Variants in CNOT2 observed in about 807,000 individuals in gnomAD.
CNOT2 encodes CC chemokine receptor 4-negative regulator of transcription 2.
CNOT2 carries 7 observed loss-of-function variants against 72.1 expected under a neutral mutation model. The ratio of observed to expected loss-of-function variants is 0.10; its 90% CI spans 0.06 to 0.18. CNOT2 has a LOEUF of 0.18. CNOT2 is among the 10% of genes least tolerant of loss of function. The pLI, the probability that CNOT2 is intolerant of heterozygous loss-of-function variation, is 1.00. For missense variants in CNOT2, 345 were observed against 660.3 expected (o/e 0.52, Z 5.23); for synonymous variants, 196 against 225.6 (o/e 0.87, Z 1.17).
chr12:70,296,886 T>A (rs1229295679), intron 2 of CNOT2, among the ~76,000 whole-genome samples: 4 of 152,152 alleles, frequency 2.6e-5, no homozygotes, highest in Non-Finnish European at 5.9e-5. Flanking sequence ...AATATCTTTG[T>A]TAACAAATAT....
At chr12:70,307,555 G>T (rs1277199501) in intron 2 of CNOT2, 1 of 151,324 alleles carries the variant, frequency 6.6e-6, no homozygotes, top group Non-Finnish European at 1.5e-5. Context: ...GCACATGACT[G>T]TCGTTTATTA....
intron 11 of CNOT2, 66 bp from the exon 12 acceptor site, chr12:70,342,041 T>C (rs568999849): frequency 9.8e-7 from 1 of 1,016,382 alleles, no homozygotes; most frequent in South Asian, 1.3e-5. Context: ...TCTTTGTTTT[T>C]CCTGAAATAA....
intron 1 of CNOT2, among the ~76,000 whole-genome samples, chr12:70,273,625 G>T (rs1234028255): frequency 1.3e-5 from 2 of 152,088 alleles, no homozygotes; most frequent in Non-Finnish European, 1.5e-5. Context: ...CAAATGAAGA[G>T]CTTTTAATTT....
chr12:70,324,306 G>C (rs1232571323), intron 4 of CNOT2: 1 of 151,594 alleles, frequency 6.6e-6, no homozygotes, highest in Non-Finnish European at 1.5e-5. Flanking sequence ...TCAAGATATA[G>C]ATAAGAATAT....
intron 1 of CNOT2, among the ~76,000 whole-genome samples, chr12:70,267,239 A>G (rs967967218): frequency 3.9e-5 from 6 of 152,158 alleles, no homozygotes; most frequent in East Asian, 1.9e-4. Context: ...GGAAGCCCCA[A>G]ATCTCAAGGT....
chr12:70,262,995 G>A (rs1480190694), intron 1 of CNOT2, among the ~76,000 whole-genome samples: 2 of 152,098 alleles, frequency 1.3e-5, no homozygotes, highest in African/African-American at 4.8e-5. Flanking sequence ...TTTGAAGGAT[G>A]GTTTTGCTGG....
intron 2 of CNOT2, among the ~76,000 whole-genome samples, chr12:70,307,121 G>C (rs1005052682): frequency 6.6e-6 from 1 of 152,130 alleles, no homozygotes; most frequent in African/African-American, 2.4e-5. Context: ...TGAATGTAAA[G>C]GCTTAGGACA....
At chr12:70,271,135 T>C (rs908171295) in intron 1 of CNOT2, among the ~76,000 whole-genome samples, 2 of 152,182 alleles carry the variant, frequency 1.3e-5, no homozygotes, top group African/African-American at 4.8e-5. Flanking sequence ...GAGTGTCAGC[T>C]TGTCCACAGG....
rs1309799544 is a variant in CNOT2, at chr12:70,337,682, A to G, written c.900+169A>G. The stretch of plus-strand genomic sequence containing the variant: ...AGCTTTATAACTTAGAAGATAGCCT[A>G]TTTTTTTCCTATTTCATATAGGTTT... On this transcript the variant is annotated intron_variant, in intron 9 of 15. Coordinates refer to ENST00000229195, the MANE Select transcript of CNOT2 (RefSeq NM_014515.7). The G allele has an allele frequency of 1.1e-5, 8 of 751,880 alleles. 1 individual carries two copies. Among genetic ancestry groups the G allele is most frequent in the Middle Eastern group, 2.7e-4 (1 of 3,706 alleles). The allele number at this position is 751,880 out of a possible 1,614,324, so 46.6% of individuals were successfully genotyped here.
intron 11 of CNOT2, among the ~76,000 whole-genome samples, chr12:70,341,676 T>C (rs1477012584): frequency 6.6e-6 from 1 of 152,192 alleles, no homozygotes; most frequent in African/African-American, 2.4e-5. Context: ...ACTCAGTAAA[T>C]ATTTGATGAA....
At chr12:70,315,809 T>C (rs1877234823) in intron 3 of CNOT2, among the ~76,000 whole-genome samples, 1 of 152,190 alleles carries the variant, frequency 6.6e-6, no homozygotes, top group Non-Finnish European at 1.5e-5. Flanking sequence ...TTTCTACCGT[T>C]TGCCACTCTT....
At chr12:70,257,754 A>ACCAGATTTTGTCATGATT (rs956409821) in intron 1 of CNOT2, among the ~76,000 whole-genome samples, 1 of 151,968 alleles carries the variant, frequency 6.6e-6, no homozygotes, top group African/African-American at 2.4e-5. Flanking sequence ...CTTTCATTCC[A>ACCAGATTTTGTCATGATT]CCACTAGATC....
chr12:70,339,921 C>T (rs1045398013), intron 11 of CNOT2, among the ~76,000 whole-genome samples: 4 of 152,176 alleles, frequency 2.6e-5, no homozygotes, highest in Admixed American at 1.3e-4. Context: ...ATAATTGACC[C>T]ATGCGTTCTA....
rs55908570 is a variant in CNOT2 at position 70,260,853 on chromosome 12, AT to A, written c.-95-17265del. Among the ~76,000 whole-genome samples, 204 of 135,600 alleles carry A rather than the reference AT, an allele frequency of 1.5e-3. 1 individual carries two copies. Among genetic ancestry groups the A allele is most frequent in the Non-Finnish European group, 1.8e-3 (109 of 62,272 alleles). 89.0% of individuals were successfully genotyped at this position (135,600 alleles called of 152,430 possible). Reference sequence around the variant, plus strand: ...TTCTTTTCCAATCCAGATGCATTCTATTTTTTTTTTTTTTGCCTAATTGTTC... The same window carrying A: ...TTCTTTTCCAATCCAGATGCATTCTATTTTTTTTTTTTTGCCTAATTGTTC... On this transcript the variant is annotated intron_variant, in intron 1 of 15. Coordinates refer to ENST00000229195, the MANE Select transcript of CNOT2 (RefSeq NM_014515.7).
At chr12:70,298,278 T>G (rs998218042) in intron 2 of CNOT2, among the ~76,000 whole-genome samples, 1 of 152,154 alleles carries the variant, frequency 6.6e-6, no homozygotes, top group Non-Finnish European at 1.5e-5. Context: ...ATAAGGACCT[T>G]CCTCCTCCAA....
At chr12:70,268,846 CAAT>C (rs1424303898) in intron 1 of CNOT2, among the ~76,000 whole-genome samples, 1 of 152,000 alleles carries the variant, frequency 6.6e-6, no homozygotes, top group Non-Finnish European at 1.5e-5. Flanking sequence ...GTGGGAGAAA[CAAT>C]AATTTTTAAT....
At chr12:70,275,093 G>T (rs1020672527) in intron 1 of CNOT2, among the ~76,000 whole-genome samples, 1 of 151,966 alleles carries the variant, frequency 6.6e-6, no homozygotes, top group African/African-American at 2.4e-5. Context: ...TTCTAACATG[G>T]CTGTACTTAC....
chr12:70,312,785 A>G (rs1028772665), intron 3 of CNOT2, among the ~76,000 whole-genome samples: 2 of 151,970 alleles, frequency 1.3e-5, no homozygotes, highest in African/African-American at 4.8e-5. Flanking sequence ...TAGGAGTAAT[A>G]ATATATTGGC....
chr12:70,261,638 A>G (rs1958769943), intron 1 of CNOT2, among the ~76,000 whole-genome samples: 1 of 151,690 alleles, frequency 6.6e-6, no homozygotes, highest in African/African-American at 2.4e-5. Flanking sequence ...TATTTTCATA[A>G]GATATATCAG....
Sources: allele counts gnomAD v4.1 joint callset (sites outside exome capture counted in the v4.1 genomes callset), GRCh38; gene constraint gnomAD v4.1.1; transcripts MANE v1.5; gene names NCBI Gene and HGNC (gene_info 2026-07-23, HGNC 2026-07-21).